SUN3: variants seen among roughly 807,000 people sequenced by gnomAD.
SUN3 encodes the protein SUN domain-containing protein 3.
SUN3 carries 36 observed loss-of-function variants against 48.2 expected under a neutral mutation model. That is an observed-to-expected ratio of 0.75 (90% confidence interval 0.57 to 0.99). The LOEUF is 0.99. Among genes scored for constraint, SUN3 ranks in the 50% least tolerant of loss-of-function variants. The pLI, the probability that SUN3 is intolerant of heterozygous loss-of-function variation, is 0.00. For synonymous variants in SUN3, 148 were observed against 147.9 expected, an observed-to-expected ratio of 1.00 and a Z score of 0.00; for missense variants, 419 against 433.1, an observed-to-expected ratio of 0.97 and a Z score of 0.29.
At chr7:48,008,995 C>A (rs760189738) in intron 4 of SUN3, 40 bp downstream of exon 4, 20 of 1,592,422 alleles carry the variant, frequency 1.3e-5, no homozygotes, top group Middle Eastern at 1.7e-4. Context: ...GTATTTGAAA[C>A]CACACCAAAA....
chr7:48,007,790 C>T (rs367620605), intron 4 of SUN3, among the ~76,000 whole-genome samples: 25 of 151,092 alleles, frequency 1.7e-4, no homozygotes, highest in African/African-American at 6.1e-4. Context: ...ACCAGTTTGA[C>T]AGCCTGAGCA....
intron 3 of SUN3, among the ~76,000 whole-genome samples, chr7:48,014,916 G>T (rs986126652): frequency 1.3e-5 from 2 of 152,120 alleles, no homozygotes; most frequent in Admixed American, 6.6e-5. Flanking sequence ...CTTTCTTGGG[G>T]AATCTCATTC....
rs1276129765 is a variant in SUN3, at chr7:47,987,384, C to A, written c.1020G>T (p.Lys340Asn). The A allele has an allele frequency of 6.2e-7, 1 of 1,610,908 alleles. No homozygotes were observed. The part of the protein sequence containing the change: ...LNIFSNWGHP[K>N]YTCLYRFRVH... ...CCCTGAATCGATATAAACAAGTATA[C>A]TTCGGGTGTCCCCAGTTGCTAAAGA... The change falls in exon 10 of 10, where the codon AAG becomes AAT. Residue 340 changes from lysine (K) to asparagine (N), a missense_variant. By Grantham distance (94) the Lys-to-Asn change is moderately conservative. Transcript: ENST00000297325.
chr7:47,992,625 A>C (rs1789097808), intron 8 of SUN3, among the ~76,000 whole-genome samples: 1 of 152,160 alleles, frequency 6.6e-6, no homozygotes, highest in Non-Finnish European at 1.5e-5. Flanking sequence ...TCCCACGACA[A>C]CAGTTGTGCA....
chr7:47,998,814 A>G (rs1197632662), intron 6 of SUN3, among the ~76,000 whole-genome samples: 2 of 152,062 alleles, frequency 1.3e-5, no homozygotes, highest in South Asian at 2.1e-4. Flanking sequence ...TCAAAAATCT[A>G]TTCACCACAG....
At chr7:47,989,111 T>C (rs1177251376) in intron 8 of SUN3, 24 of 328,178 alleles carry the variant, frequency 7.3e-5, no homozygotes, top group East Asian at 2.3e-4. Flanking sequence ...CACAGACAGA[T>C]AGATAGATAG....
chr7:48,028,982 C>T lies in SUN3; in HGVS notation c.-44G>A, dbSNP rs754675072. On this transcript the variant is annotated 5_prime_UTR_variant, in exon 1 of 10. The change abolishes an upstream ATG in the 5' untranslated region. Transcript: ENST00000297325. ...AAACAGCTGGTAGGATGAAGAGCAA[C>T]ATTTGTCCTCATTCCTATTTTATGA... 6.2e-7 allele frequency: 1 copy of T among 1,611,028 alleles called. No homozygotes were observed. Among genetic ancestry groups the T allele is most frequent in the African/African-American group, 1.3e-5 (1 of 74,834 alleles).
intron 3 of SUN3, among the ~76,000 whole-genome samples, chr7:48,010,430 T>C (rs534072226): frequency 6.6e-6 from 1 of 152,128 alleles, no homozygotes; most frequent in African/African-American, 2.4e-5. Context: ...TTTCTTTACA[T>C]CTGGAACTCC....
At chr7:47,991,813 G>A (rs1659920265) in intron 8 of SUN3, among the ~76,000 whole-genome samples, 1 of 152,032 alleles carries the variant, frequency 6.6e-6, no homozygotes, top group South Asian at 2.1e-4. Flanking sequence ...GGGGAGTGTG[G>A]GGGAAAGGAG....
chr7:47,991,046 C>T (rs1023474658), intron 8 of SUN3: 2 of 455,056 alleles, frequency 4.4e-6, no homozygotes, highest in Non-Finnish European at 8.8e-6. Flanking sequence ...ACCTCTGAAC[C>T]TAAAATAAAA....
chr7:48,005,210 T>C (rs1789491447), intron 6 of SUN3, among the ~76,000 whole-genome samples: 1 of 152,164 alleles, frequency 6.6e-6, no homozygotes, highest in African/African-American at 2.4e-5. Flanking sequence ...CTATGGTTCG[T>C]CTCCCATCTT....
intron 2 of SUN3, among the ~76,000 whole-genome samples, chr7:48,022,539 A>G (rs1392302671): frequency 1.3e-5 from 2 of 152,116 alleles, no homozygotes; most frequent in Non-Finnish European, 2.9e-5. Flanking sequence ...CCATAAGTAT[A>G]TATACTATGT....
chr7:47,994,894 G>A (rs1354364327), intron 7 of SUN3, among the ~76,000 whole-genome samples: 1 of 152,076 alleles, frequency 6.6e-6, no homozygotes, highest in African/African-American at 2.4e-5. Flanking sequence ...TGGTGGTCAT[G>A]GCAATGGTAT....
At chr7:48,028,711 G>T (rs993768245) in intron 1 of SUN3, 106 bp downstream of exon 1, 1 of 1,433,336 alleles carries the variant, frequency 7.0e-7, no homozygotes, top group Non-Finnish European at 9.5e-7. Flanking sequence ...TCTATAAAGG[G>T]AGAAAATACT....
intron 4 of SUN3, among the ~76,000 whole-genome samples, chr7:48,008,412 A>G (rs561631638): frequency 7.2e-5 from 11 of 152,358 alleles, no homozygotes; most frequent in African/African-American, 2.6e-4. Flanking sequence ...ACACTTCCAA[A>G]TCATTAAAAA....
At chr7:48,031,083 CT>C (rs1404613275), upstream of SUN3, among the ~76,000 whole-genome samples, 1 of 152,192 alleles carries the variant, frequency 6.6e-6, no homozygotes, top group Non-Finnish European at 1.5e-5. Context: ...TTGACAATGA[CT>C]TTTTAAATAT....
At position 47,987,461 on chromosome 7, in the gene SUN3, GAAAAGA is replaced by G. The variant is rs766538854; in HGVS notation, c.955-18_955-13del. 4 of 1,526,134 alleles carry G rather than the reference GAAAAGA, an allele frequency of 2.6e-6. No homozygotes were observed. The highest frequency in any genetic ancestry group is 3.5e-6 in the Non-Finnish European group (4 of 1,143,312). 94.5% of individuals were successfully genotyped at this position (1,526,134 alleles called of 1,614,324 possible). A position where few individuals can be genotyped will look rare whatever the true frequency, so the allele number is the denominator to read the frequency against. On this transcript the variant is annotated splice_polypyrimidine_tract_variant and intron_variant, in intron 9 of 9. Transcript: ENST00000297325. ...TCAGAAACTGCATGCTGAAAATAAA[GAAAAGA>G]AAATCAATGCCTTATAACGAAATTC...
upstream of SUN3, among the ~76,000 whole-genome samples, chr7:48,031,780 A>C (rs940196599): frequency 6.6e-6 from 1 of 152,118 alleles, no homozygotes; most frequent in Non-Finnish European, 1.5e-5. Flanking sequence ...TTACAAGCCA[A>C]GATATAAAAA....
chr7:48,007,917 G>A (rs151024995), intron 4 of SUN3, among the ~76,000 whole-genome samples: 448 of 150,778 alleles, frequency 3.0e-3, no homozygotes, highest in Non-Finnish European at 5.0e-3. Flanking sequence ...TCCGCCTCCC[G>A]GGTTCAAGTG....
Sources: gnomAD v4.1 joint callset for allele counts (sites outside exome capture counted in the v4.1 genomes callset) on GRCh38, gnomAD v4.1.1 for gene constraint, MANE v1.5 for transcripts, NCBI Gene and HGNC (gene_info 2026-07-23, HGNC 2026-07-21) for gene names.